PRKD1: variants seen among roughly 807,000 people sequenced by gnomAD.
PRKD1 encodes the protein protein kinase D1, also known as serine/threonine-protein kinase D1.
A neutral mutation model predicts 95.9 loss-of-function variants in PRKD1; 63 were observed. The ratio of observed to expected loss-of-function variants is 0.66; its 90% CI spans 0.54 to 0.81. The LOEUF (loss-of-function observed/expected upper bound fraction) is 0.81, where lower values mean the gene tolerates loss of function less well. Ranked by LOEUF, PRKD1 falls within the 30% of genes least tolerant of loss-of-function variation. The pLI, the probability that PRKD1 is intolerant of heterozygous loss-of-function variation, is 0.00. For synonymous variants in PRKD1, 425 were observed against 423.1 expected (o/e 1.00, Z -0.05); for missense variants, 1,048 against 1,165.3 (o/e 0.90, Z 1.47).
intron 1 of PRKD1, among the ~76,000 whole-genome samples, chr14:29,826,700 C>CACACACATATATATACAT (rs377377299): frequency 3.5e-5 from 1 of 28,722 alleles, no homozygotes; most frequent in Non-Finnish European, 7.3e-5. Flanking sequence ...CATATATATA[C>CACACACATATATATACAT]ATATATACAC....
intron 1 of PRKD1, among the ~76,000 whole-genome samples, chr14:29,809,165 C>A (rs1158611202): frequency 6.6e-6 from 1 of 152,226 alleles, no homozygotes; most frequent in Non-Finnish European, 1.5e-5. Context: ...TAAGTCTTAA[C>A]CGTGGCTTAA....
At chr14:29,917,473 C>T (rs988179845) in intron 1 of PRKD1, among the ~76,000 whole-genome samples, 2 of 152,036 alleles carry the variant, frequency 1.3e-5, no homozygotes, top group African/African-American at 4.8e-5. Context: ...CAAAAGTCAA[C>T]TTAAACCATT....
intron 2 of PRKD1, among the ~76,000 whole-genome samples, chr14:29,696,541 A>T (rs1040490936): frequency 5.3e-5 from 8 of 152,194 alleles, no homozygotes; most frequent in Admixed American, 2.0e-4. Flanking sequence ...AAATTTCTAA[A>T]GTTAGATAGT....
In PRKD1 at chr14:29,618,005, C is replaced by T. The variant is rs185003682; in HGVS notation, c.1905+6147G>A. On this transcript the variant is annotated intron_variant, in intron 13 of 17. Coordinates refer to ENST00000331968, the MANE Select transcript of PRKD1 (RefSeq NM_002742.3). Reference sequence around the variant, plus strand: ...AGGATTGCTTGAACCTGGGTCAAGGCTGCAGCGAGCTGTGATCACGCCACT... The same window carrying T: ...AGGATTGCTTGAACCTGGGTCAAGGTTGCAGCGAGCTGTGATCACGCCACT... 2.0e-3 allele frequency among the ~76,000 whole-genome samples: 299 copies of T among 152,164 alleles called. 4 individuals are homozygous for T. The highest frequency in any genetic ancestry group is 0.017 in the Admixed American group (265 of 15,284).
intron 1 of PRKD1, among the ~76,000 whole-genome samples, chr14:29,908,052 A>G (rs1176510690): frequency 6.6e-6 from 1 of 152,084 alleles, no homozygotes; most frequent in Non-Finnish European, 1.5e-5. Flanking sequence ...TCTACTCAGT[A>G]ATCCATTTAA....
intron 2 of PRKD1, among the ~76,000 whole-genome samples, chr14:29,698,032 C>T (rs1884626791): frequency 6.6e-6 from 1 of 152,106 alleles, no homozygotes; most frequent in Non-Finnish European, 1.5e-5. Flanking sequence ...TTTCTGATTA[C>T]ATCTTATCTT....
At chr14:29,786,415 G>T (rs1440748746) in intron 1 of PRKD1, among the ~76,000 whole-genome samples, 1 of 152,124 alleles carries the variant, frequency 6.6e-6, no homozygotes, top group Non-Finnish European at 1.5e-5. Flanking sequence ...AGAAGAGTTG[G>T]TGTTAGTTCT....
rs537502570 is a variant in PRKD1 at position 29,759,452 on chromosome 14, T to C, written c.265-33778A>G. On this transcript the variant is annotated intron_variant, in intron 1 of 17. Coordinates refer to ENST00000331968, the MANE Select transcript of PRKD1 (RefSeq NM_002742.3). ...GCCATATTGATAAATGTGCTAAGTATCTTCATACTTCAGATAACCTTAAAC... is the reference window on the plus strand; with the variant it reads ...GCCATATTGATAAATGTGCTAAGTACCTTCATACTTCAGATAACCTTAAAC... 2.0e-5 allele frequency among the ~76,000 whole-genome samples: 3 copies of C among 152,350 alleles called. No individual in the cohort carries two copies. The East Asian group carries it at 5.8e-4, about 29-fold the overall frequency.
At chr14:29,683,015 A>G (rs1883621877) in intron 2 of PRKD1, among the ~76,000 whole-genome samples, 1 of 152,194 alleles carries the variant, frequency 6.6e-6, no homozygotes, top group Non-Finnish European at 1.5e-5. Context: ...TGCTTAAATA[A>G]ATAATTCAGC....
At chr14:29,883,661 T>C (rs908061773) in intron 1 of PRKD1, among the ~76,000 whole-genome samples, 1 of 152,232 alleles carries the variant, frequency 6.6e-6, no homozygotes, top group East Asian at 1.9e-4. Context: ...TTATACTTGA[T>C]GGACATATCA....
chr14:29,776,919 A>T (rs562346228), intron 1 of PRKD1, among the ~76,000 whole-genome samples: 424 of 152,356 alleles, frequency 2.8e-3, no homozygotes, highest in Admixed American at 8.8e-3. Context: ...CCTCAAAGGG[A>T]AGCCCATCAG....
At position 29,656,528 on chromosome 14, in the gene PRKD1, G is replaced by T. The variant is rs1468779933; in HGVS notation, c.696+7171C>A. 2.0e-6 allele frequency: 3 copies of T among 1,533,784 alleles called. No individual in the cohort carries two copies. The African/African-American group carries it at 4.1e-5, about 21-fold the overall frequency. On this transcript the variant is annotated intron_variant, in intron 4 of 17. Coordinates refer to ENST00000331968, the MANE Select transcript of PRKD1 (RefSeq NM_002742.3). Reference sequence around the variant, plus strand: ...AAACATGAAGTTGTAAGAGCAAAAAGCAGGCAAAGGTGCAGAATCAAAGGA... The same window carrying T: ...AAACATGAAGTTGTAAGAGCAAAAATCAGGCAAAGGTGCAGAATCAAAGGA...
intron 2 of PRKD1, among the ~76,000 whole-genome samples, chr14:29,688,646 A>G (rs1884022460): frequency 6.6e-6 from 1 of 152,178 alleles, no homozygotes; most frequent in African/African-American, 2.4e-5. Context: ...ACTTAAATTT[A>G]AAACCCGAGG....
At chr14:29,677,749 G>C (rs1883317046) in intron 2 of PRKD1, among the ~76,000 whole-genome samples, 1 of 152,144 alleles carries the variant, frequency 6.6e-6, no homozygotes, top group African/African-American at 2.4e-5. Context: ...TAATTTAGTA[G>C]AGATGGGATT....
In PRKD1 at chr14:29,750,616, G is replaced by GCGCGCGCGCACACACA. The variant is rs72239992; in HGVS notation, c.265-24943_265-24942insTGTGTGTGCGCGCGCG. Among the ~76,000 whole-genome samples the GCGCGCGCGCACACACA allele has an allele frequency of 3.0e-3, 451 of 148,480 alleles. 6 individuals are homozygous for GCGCGCGCGCACACACA. The highest frequency in any genetic ancestry group is 0.01 in the Middle Eastern group (3 of 288). ...CCTATCCCAGGATGCATGAACGCGC[G>GCGCGCGCGCACACACA]CACACACACACACACACACACTCAC... On this transcript the variant is annotated intron_variant, in intron 1 of 17. Coordinates refer to ENST00000331968, the MANE Select transcript of PRKD1 (RefSeq NM_002742.3).
intron 1 of PRKD1, among the ~76,000 whole-genome samples, chr14:29,919,932 C>A (rs957748632): frequency 6.6e-6 from 1 of 150,806 alleles, no homozygotes; most frequent in Non-Finnish European, 1.5e-5. Context: ...TGCCACTGCA[C>A]TCCAGCCTGA....
At chr14:29,719,938 T>A (rs895234745) in intron 2 of PRKD1, among the ~76,000 whole-genome samples, 3 of 152,166 alleles carry the variant, frequency 2.0e-5, no homozygotes, top group African/African-American at 7.2e-5. Flanking sequence ...AACTTGGGCA[T>A]GATTTTGGAG....
chr14:29,882,630 T>C (rs1893552307), intron 1 of PRKD1, among the ~76,000 whole-genome samples: 1 of 152,214 alleles, frequency 6.6e-6, no homozygotes, highest in African/African-American at 2.4e-5. Flanking sequence ...CGAAGTTCTA[T>C]ATCCACTAAA....
At chr14:29,776,557 C>T (rs1306678865) in intron 1 of PRKD1, among the ~76,000 whole-genome samples, 2 of 151,900 alleles carry the variant, frequency 1.3e-5, no homozygotes, top group Non-Finnish European at 2.9e-5. Context: ...GATTGAAGAT[C>T]AAATTAATGA....
Sources: allele counts gnomAD v4.1 joint callset (sites outside exome capture counted in the v4.1 genomes callset), GRCh38; gene constraint gnomAD v4.1.1; transcripts MANE v1.5; gene names NCBI Gene and HGNC (gene_info 2026-07-23, HGNC 2026-07-21).